Variants in PCDHGC4 observed in about 807,000 individuals in gnomAD.
PCDHGC4 encodes protocadherin gamma-C4.
A neutral mutation model predicts 59.7 loss-of-function variants in PCDHGC4; 15 were observed. The observed-to-expected ratio is 0.25, with a 90% CI of 0.17 to 0.39. The LOEUF is 0.39. Among genes scored for constraint, PCDHGC4 ranks in the 10% least tolerant of loss-of-function variants. The pLI is 1.00. For synonymous variants in PCDHGC4, 434 were observed against 481.4 expected (o/e 0.90, Z 1.29); for missense variants, 1,016 against 1,189.5 (o/e 0.85, Z 2.15).
intron 2 of PCDHGC4, among the ~76,000 whole-genome samples, chr5:141,500,892 G>GAT (rs1036007799): frequency 1.1e-5 from 1 of 88,010 alleles, no homozygotes; most frequent in African/African-American, 7.1e-5. Flanking sequence ...TTTTTTTTGA[G>GAT]ACAGTCTCGC....
In PCDHGC4 at chr5:141,505,419, C is replaced by G. The variant is rs1303924776; in HGVS notation, c.2528C>G (p.Thr843Ser). 6 of 1,614,140 alleles carry G rather than the reference C, an allele frequency of 3.7e-6. No individual in the cohort carries two copies. The highest frequency in any genetic ancestry group is 4.2e-6 in the Non-Finnish European group (5 of 1,180,062). Residue 843 changes from threonine to serine, a missense_variant, in exon 3 of 4, where the codon ACC becomes AGC. Thr to Ser is a moderately conservative substitution (Grantham distance 58). Coordinates refer to ENST00000306593, the MANE Select transcript of PCDHGC4 (RefSeq NM_018928.3). ...SGSQNGDDTGTWPNNQFDTEM... is the reference protein window; with the variant it reads ...SGSQNGDDTGSWPNNQFDTEM... ...TCCCAAAATGGCGATGACACCGGCACCTGGCCCAACAACCAGTTTGACACA... is the reference window on the plus strand; with the variant it reads ...TCCCAAAATGGCGATGACACCGGCAGCTGGCCCAACAACCAGTTTGACACA...
intron 3 of PCDHGC4, chr5:141,507,424 G>C (rs577364087): frequency 6.6e-6 from 1 of 152,202 alleles, no homozygotes; most frequent in African/African-American, 2.4e-5. Context: ...GGTTAAGTGG[G>C]GCCAGGCCTA....
intron 3 of PCDHGC4, among the ~76,000 whole-genome samples, chr5:141,510,424 C>T (rs2154594619): frequency 6.6e-6 from 1 of 152,236 alleles, no homozygotes; most frequent in South Asian, 2.1e-4. Flanking sequence ...GCCATGGTTT[C>T]ATGGCTGCTG....
Position 141,490,575 on chromosome 5 carries a change from A to G in PCDHGC4, c.2442+2960A>G. 2 of 1,614,140 alleles carry G rather than the reference A, an allele frequency of 1.2e-6. No individual in the cohort carries two copies. The highest frequency in any genetic ancestry group is 2.2e-5 in the East Asian group (1 of 44,876). Reference sequence around the variant, plus strand: ...ATCTCACCATCAGGCTCAACATTTCAGATGTCAATGACAATGCACCCCGCT... The same window carrying G: ...ATCTCACCATCAGGCTCAACATTTCGGATGTCAATGACAATGCACCCCGCT... On this transcript the variant is annotated intron_variant, in intron 1 of 3. Transcript: ENST00000306593. This position sits in a 1 kb window ranked among gnomAD's most constrained non-coding sequence, Gnocchi z 5.4.
At chr5:141,506,609 T>C (rs1375963880) in intron 3 of PCDHGC4, among the ~76,000 whole-genome samples, 1 of 152,184 alleles carries the variant, frequency 6.6e-6, no homozygotes, top group African/African-American at 2.4e-5. Context: ...GATCTCATTG[T>C]GGTGTTACCA....
In PCDHGC4 at chr5:141,491,996, G is replaced by T; in HGVS notation, c.2443-2811G>T. ...TCCTTCGAGCTTCCGGTGAATTTCG[G>T]GCGATTTCCGCGGGTGTCGGGGGTC... is the stretch of plus-strand genomic sequence containing the variant. On this transcript the variant is annotated intron_variant, in intron 1 of 3. Coordinates refer to ENST00000306593, the MANE Select transcript of PCDHGC4 (RefSeq NM_018928.3). This position sits in a 1 kb window ranked among gnomAD's most constrained non-coding sequence, Gnocchi z 6.9. The T allele has an allele frequency of 2.9e-6, 2 of 686,328 alleles. No individual in the cohort carries two copies. Among genetic ancestry groups the T allele is most frequent in the Non-Finnish European group, 4.5e-6 (2 of 441,080 alleles). 42.5% of individuals were successfully genotyped at this position (686,328 alleles called of 1,614,324 possible). A position where few individuals can be genotyped will look rare whatever the true frequency, so the allele number is the denominator to read the frequency against.
Position 141,490,672 on chromosome 5 carries a change from G to A in PCDHGC4, c.2442+3057G>A. ...GGGCTCCCTTCTTTGCACTGTGGCT[G>A]CCTCAGATCCAGACACTGGGGATAA... is the stretch of plus-strand genomic sequence containing the variant. On this transcript the variant is annotated intron_variant, in intron 1 of 3. Transcript: ENST00000306593. This position sits in a 1 kb window ranked among gnomAD's most constrained non-coding sequence, Gnocchi z 5.4. 1.2e-6 allele frequency: 2 copies of A among 1,614,114 alleles called. No homozygotes were observed. Among genetic ancestry groups the A allele is most frequent in the Non-Finnish European group, 1.7e-6 (2 of 1,179,996 alleles).
At position 141,486,257 on chromosome 5, in the gene PCDHGC4, A is replaced by C; in HGVS notation, c.1084A>C (p.Ser362Arg). 6.2e-7 allele frequency: 1 copy of C among 1,614,032 alleles called. No individual in the cohort carries two copies. The highest frequency in any genetic ancestry group is 8.5e-7 in the Non-Finnish European group (1 of 1,179,982). Residue 362 changes from serine to arginine, a missense_variant, in exon 1 of 4, where the codon AGT becomes CGT. Physicochemically the swap from Ser to Arg is moderately radical, Grantham distance 110 (BLOSUM62 -1). Transcript: ENST00000306593. The surrounding 1 kb of genome is among the most constrained non-coding windows in gnomAD (Gnocchi z 5.0). The part of the protein sequence containing the change: ...VTSELGTLPE[S>R]AEPGTVVALI... ...CTCAGAGCTTGGAACCCTCCCCGAG[A>C]GTGCAGAACCTGGCACTGTGGTGGC... is the stretch of plus-strand genomic sequence containing the variant.
At chr5:141,492,834 G>T (rs544218873) in intron 1 of PCDHGC4, among the ~76,000 whole-genome samples, 36 of 152,332 alleles carry the variant, frequency 2.4e-4, no homozygotes, top group Non-Finnish European at 4.1e-4. Flanking sequence ...CCTTCCTCCC[G>T]CAGGAAGTGA....
intron 3 of PCDHGC4, among the ~76,000 whole-genome samples, chr5:141,510,657 G>A (rs1388054630): frequency 6.6e-6 from 1 of 152,156 alleles, no homozygotes; most frequent in Non-Finnish European, 1.5e-5. Context: ...CCATTTTGCA[G>A]ATGAGAAAAC....
Position 141,487,421 on chromosome 5 carries a change from C to T in PCDHGC4, c.2248C>T (p.Leu750Phe). ...REGLPPSNGI[L>F]RIQLGSDDPI... ...GGGGCTTCCCCCTTCCAATGGGATC[C>T]TCCGAATCCAGCTAGGGTCAGATGA... The change falls in exon 1 of 4, where the codon CTC becomes TTC. Residue 750 changes from leucine to phenylalanine, a missense_variant. Coordinates refer to ENST00000306593, the MANE Select transcript of PCDHGC4 (RefSeq NM_018928.3). This position sits in a 1 kb window ranked among gnomAD's most constrained non-coding sequence, Gnocchi z 5.0. The T allele has an allele frequency of 6.2e-7, 1 of 1,614,144 alleles. No homozygotes were observed. The highest frequency in any genetic ancestry group is 1.1e-5 in the South Asian group (1 of 91,082).
chr5:141,489,660 G>A lies in PCDHGC4; in HGVS notation c.2442+2045G>A, dbSNP rs763985085. 3 of 1,614,096 alleles carry A rather than the reference G, an allele frequency of 1.9e-6. No individual in the cohort carries two copies. Among genetic ancestry groups the A allele is most frequent in the Non-Finnish European group, 2.5e-6 (3 of 1,180,036 alleles). On this transcript the variant is annotated intron_variant, in intron 1 of 3. Coordinates refer to ENST00000306593, the MANE Select transcript of PCDHGC4 (RefSeq NM_018928.3). The surrounding 1 kb of genome is among the most constrained non-coding windows in gnomAD (Gnocchi z 4.5). Reference sequence around the variant, plus strand: ...GCTTTGCCACCCCTGAGCGAGAGATGCGCATCTCAGAATCAGCAGCATCTG... The same window carrying A: ...GCTTTGCCACCCCTGAGCGAGAGATACGCATCTCAGAATCAGCAGCATCTG...
Position 141,489,653 on chromosome 5 carries a change from G to A in PCDHGC4, c.2442+2038G>A, listed in dbSNP as rs752269910. 2.0e-5 allele frequency: 33 copies of A among 1,614,164 alleles called. No individual in the cohort carries two copies. In the East Asian group the frequency reaches 4.9e-4, roughly 24 times the overall value. ...TCTCCTAGCTTTGCCACCCCTGAGC[G>A]AGAGATGCGCATCTCAGAATCAGCA... On this transcript the variant is annotated intron_variant, in intron 1 of 3. Transcript: ENST00000306593. This position sits in a 1 kb window ranked among gnomAD's most constrained non-coding sequence, Gnocchi z 4.5.
At chr5:141,492,606 C>G (rs1019615566) in intron 1 of PCDHGC4, among the ~76,000 whole-genome samples, 3 of 152,232 alleles carry the variant, frequency 2.0e-5, no homozygotes, top group African/African-American at 7.2e-5. Flanking sequence ...GACTGCCGCT[C>G]TAAGTGCCGG....
intron 2 of PCDHGC4, among the ~76,000 whole-genome samples, chr5:141,503,611 A>AG (rs992110793): frequency 6.6e-6 from 1 of 151,948 alleles, no homozygotes; most frequent in Non-Finnish European, 1.5e-5. Flanking sequence ...AAAAAAAAAA[A>AG]AAAGAAAAAA....
rs1426305491 is a variant in PCDHGC4 at position 141,489,758 on chromosome 5, G to A, written c.2442+2143G>A. 1 of 1,614,084 alleles carries A rather than the reference G, an allele frequency of 6.2e-7. No homozygotes were observed. The highest frequency in any genetic ancestry group is 1.7e-5 in the Admixed American group (1 of 60,020). On this transcript the variant is annotated intron_variant, in intron 1 of 3. Coordinates refer to ENST00000306593, the MANE Select transcript of PCDHGC4 (RefSeq NM_018928.3). The surrounding 1 kb of genome is among the most constrained non-coding windows in gnomAD (Gnocchi z 4.5). ...AATACTGTGAGCTTTTACACTCTAAGCCCCAACAGCCACTTCTCTCTGAAT... is the reference window on the plus strand; with the variant it reads ...AATACTGTGAGCTTTTACACTCTAAACCCCAACAGCCACTTCTCTCTGAAT...
chr5:141,491,441 A>G lies in PCDHGC4; in HGVS notation c.2443-3366A>G, dbSNP rs776616506. 1.2e-6 allele frequency: 2 copies of G among 1,614,146 alleles called. No homozygotes were observed. The highest frequency in any genetic ancestry group is 1.7e-6 in the Non-Finnish European group (2 of 1,180,032). ...GGTGGAGGGCAGTGCTGCAGGCGCCAGGACTCACCCTCCCCGGACTTCTAT... is the reference window on the plus strand; with the variant it reads ...GGTGGAGGGCAGTGCTGCAGGCGCCGGGACTCACCCTCCCCGGACTTCTAT... On this transcript the variant is annotated intron_variant, in intron 1 of 3. Coordinates refer to ENST00000306593, the MANE Select transcript of PCDHGC4 (RefSeq NM_018928.3). The surrounding 1 kb of genome is among the most constrained non-coding windows in gnomAD (Gnocchi z 6.9).
Position 141,489,120 on chromosome 5 carries a change from G to T in PCDHGC4, c.2442+1505G>T. On this transcript the variant is annotated intron_variant, in intron 1 of 3. Coordinates refer to ENST00000306593, the MANE Select transcript of PCDHGC4 (RefSeq NM_018928.3). The surrounding 1 kb of genome is among the most constrained non-coding windows in gnomAD (Gnocchi z 4.5). Reference sequence around the variant, plus strand: ...AACTGCTGCAAGCAGGCAAACCTCCGAGCAGTTTTTAAGAGGCTGGAAGGA... The same window carrying T: ...AACTGCTGCAAGCAGGCAAACCTCCTAGCAGTTTTTAAGAGGCTGGAAGGA... 2.2e-6 allele frequency: 1 copy of T among 445,672 alleles called. No individual in the cohort carries two copies. The highest frequency in any genetic ancestry group is 3.8e-6 in the Non-Finnish European group (1 of 264,754). The allele number at this position is 445,672 out of a possible 1,614,324, so 27.6% of individuals were successfully genotyped here.
Position 141,505,388 on chromosome 5 carries a change from C to T in PCDHGC4, c.2502-5C>T, listed in dbSNP as rs756505223. ...TCTGTGCTCACCATCCTACTCTCTCCCCAGCTCCCAAAATGGCGATGACAC... is the reference window on the plus strand; with the variant it reads ...TCTGTGCTCACCATCCTACTCTCTCTCCAGCTCCCAAAATGGCGATGACAC... On this transcript the variant is annotated splice_polypyrimidine_tract_variant and splice_region_variant and intron_variant, in intron 2 of 3. Transcript: ENST00000306593. The T allele has an allele frequency of 6.2e-7, 1 of 1,613,972 alleles. No homozygotes were observed. The highest frequency in any genetic ancestry group is 2.2e-5 in the East Asian group (1 of 44,886).
Sources: allele counts gnomAD v4.1 joint callset (sites outside exome capture counted in the v4.1 genomes callset), GRCh38; gene constraint gnomAD v4.1.1; non-coding constraint Gnocchi (gnomAD v3.1); transcripts MANE v1.5; gene names NCBI Gene and HGNC (gene_info 2026-07-23, HGNC 2026-07-21).